Variants in CFAP58 observed in about 807,000 individuals in gnomAD.
CFAP58 encodes cilia and flagella associated protein 58, also known as cilia- and flagella-associated protein 58.
A neutral mutation model predicts 119.5 loss-of-function variants in CFAP58; 88 were observed. The observed-to-expected ratio is 0.74, with a 90% CI of 0.62 to 0.88. The LOEUF (loss-of-function observed/expected upper bound fraction) is 0.88, where lower values mean the gene tolerates loss of function less well. Among genes scored for constraint, CFAP58 ranks in the 40% least tolerant of loss-of-function variants. The pLI, the probability that CFAP58 is intolerant of heterozygous loss-of-function variation, is 0.00. For synonymous variants in CFAP58, 365 were observed against 366.3 expected, an observed-to-expected ratio of 1.00 and a Z score of 0.04; for missense variants, 990 against 1,021.2, an observed-to-expected ratio of 0.97 and a Z score of 0.42.
At chr10:104,358,237 TG>T in intron 1 of CFAP58, 103 bp from the exon 2 acceptor site, 1 of 1,167,862 alleles carries the variant, frequency 8.6e-7, no homozygotes, top group Non-Finnish European at 1.2e-6. Flanking sequence ...GTTTTAATTT[TG>T]CTCATATGGA....
intron 2 of CFAP58, among the ~76,000 whole-genome samples, chr10:104,360,166 C>CTG (rs1281669842): frequency 5.3e-5 from 8 of 152,180 alleles, no homozygotes; most frequent in African/African-American, 1.9e-4. Context: ...AGGTTCTTAT[C>CTG]TGTATAAAGG....
chr10:104,371,199 T>G, intron 7 of CFAP58, 145 bp downstream of exon 7: 10 of 559,590 alleles, frequency 1.8e-5, no homozygotes, highest in East Asian at 1.3e-4. Context: ...ACAGTCAATA[T>G]GGGGTGGGGT....
At chr10:104,351,716 C>T (rs12241488), upstream of CFAP58, 1 of 151,904 alleles carries the variant, frequency 6.6e-6, no homozygotes, top group African/African-American at 2.4e-5. Flanking sequence ...AACTATGAAG[C>T]TAATGGATAG....
intron 1 of CFAP58, among the ~76,000 whole-genome samples, chr10:104,357,845 G>GTATGTACATATA (rs2014573272): frequency 1.1e-5 from 1 of 91,502 alleles, no homozygotes; most frequent in Non-Finnish European, 2.1e-5. Flanking sequence ...GTACACATAT[G>GTATGTACATATA]TACACATATA....
At position 104,454,574 on chromosome 10, in the gene CFAP58, T is replaced by C. The variant is rs1424881693; in HGVS notation, c.*44T>C. On this transcript the variant is annotated 3_prime_UTR_variant, in exon 18 of 18. Transcript: ENST00000369704. ...TTCCAGTTGAACAACTCATGAAATC[T>C]GCTCTGGGACATTTTGGGGGAATCT... 1 of 1,409,990 alleles carries C rather than the reference T, an allele frequency of 7.1e-7. No individual in the cohort carries two copies. The allele number at this position is 1,409,990 out of a possible 1,614,324, so 87.3% of individuals were successfully genotyped here.
chr10:104,444,449 T>G (rs2013082717), intron 15 of CFAP58, among the ~76,000 whole-genome samples: 1 of 152,210 alleles, frequency 6.6e-6, no homozygotes, highest in Non-Finnish European at 1.5e-5. Context: ...CTCTTTATAA[T>G]AGAATTGCAC....
At position 104,364,732 on chromosome 10, in the gene CFAP58, G is replaced by GCATCC; in HGVS notation, c.441_445dup (p.Arg149ProfsTer6). On this transcript the variant is annotated frameshift_variant and splice_region_variant. Coordinates refer to ENST00000369704, the MANE Select transcript of CFAP58 (RefSeq NM_001008723.2). LOFTEE classifies it high-confidence loss of function. Reference sequence around the variant, plus strand: ...CTGACTCCTGTGTTCTTCCTTTTTAGCATCCGAGATTTACTGAGGTTCAAA... The same window carrying GCATCC: ...CTGACTCCTGTGTTCTTCCTTTTTAGCATCCCATCCGAGATTTACTGAGGTTCAAA... 1 of 1,612,550 alleles carries GCATCC rather than the reference G, an allele frequency of 6.2e-7. No homozygotes were observed.
At chr10:104,368,061 G>A (rs1474925474) in intron 5 of CFAP58, among the ~76,000 whole-genome samples, 9 of 152,250 alleles carry the variant, frequency 5.9e-5, no homozygotes, top group East Asian at 1.9e-4. Flanking sequence ...TATAAAATCC[G>A]TTTGAATCTC....
At chr10:104,444,763 G>GC (rs1477251350) in intron 15 of CFAP58, among the ~76,000 whole-genome samples, 1 of 152,084 alleles carries the variant, frequency 6.6e-6, no homozygotes, top group Non-Finnish European at 1.5e-5. Flanking sequence ...TCCAACAACT[G>GC]CCCCCATTCC....
chr10:104,441,211 C>T (rs1564905835), intron 15 of CFAP58, among the ~76,000 whole-genome samples: 1 of 152,204 alleles, frequency 6.6e-6, no homozygotes, highest in Non-Finnish European at 1.5e-5. Flanking sequence ...CCATGTTGGC[C>T]AGGCTGGTCT....
At chr10:104,428,008 T>A (rs10786793) in intron 15 of CFAP58, among the ~76,000 whole-genome samples, 48,808 of 152,098 alleles carry the variant, frequency 0.32, 8,400 homozygotes, top group African/African-American at 0.45. Flanking sequence ...CAAACACACG[T>A]AAGCACATGG....
At chr10:104,433,344 T>TC (rs1201985349) in intron 15 of CFAP58, among the ~76,000 whole-genome samples, 2 of 152,200 alleles carry the variant, frequency 1.3e-5, no homozygotes, top group Non-Finnish European at 2.9e-5. Context: ...CACCTTAGCC[T>TC]CCCAGAGCAC....
chr10:104,448,110 A>C (rs2013139178), intron 16 of CFAP58, among the ~76,000 whole-genome samples: 1 of 152,244 alleles, frequency 6.6e-6, no homozygotes, highest in Admixed American at 6.5e-5. Flanking sequence ...TGGATGAATG[A>C]TCTTGAGATG....
chr10:104,356,690 CT>C (rs2014547573), intron 1 of CFAP58, among the ~76,000 whole-genome samples: 1 of 150,098 alleles, frequency 6.7e-6, no homozygotes, highest in African/African-American at 2.4e-5. Flanking sequence ...TTTTTTTATT[CT>C]TGCTGCTGGG....
In CFAP58 at chr10:104,393,478, A is replaced by G. The variant is rs1417831476; in HGVS notation, c.1674+3A>G. On this transcript the variant is annotated splice_donor_region_variant and intron_variant, in intron 11 of 17. Coordinates refer to ENST00000369704, the MANE Select transcript of CFAP58 (RefSeq NM_001008723.2). The stretch of plus-strand genomic sequence containing the variant: ...AAAAGGAAAAGGAAACATTGAAGGT[A>G]CTGACCTCATAGTAAAAGCAAAGTA... 1 of 1,610,774 alleles carries G rather than the reference A, an allele frequency of 6.2e-7. No homozygotes were observed. The highest frequency in any genetic ancestry group is 2.2e-5 in the East Asian group (1 of 44,808).
chr10:104,403,747 G>T lies in CFAP58; in HGVS notation c.2058G>T (p.Met686Ile). ...VEELRQEFFH[M>I]QRELLKERTR... ...TATTCAGACAGGAGTTTTTTCACAT[G>T]CAAAGAGAATTGTTGAAGGAGAGGA... Residue 686 changes from methionine (M) to isoleucine (I), a missense_variant, in exon 14 of 18, where the codon ATG (methionine) becomes ATT (isoleucine). Coordinates refer to ENST00000369704, the MANE Select transcript of CFAP58 (RefSeq NM_001008723.2). 1 of 1,610,428 alleles carries T rather than the reference G, an allele frequency of 6.2e-7. No homozygotes were observed.
At chr10:104,364,666 G>A in intron 3 of CFAP58, 67 bp from the exon 4 acceptor site, 1 of 1,455,906 alleles carries the variant, frequency 6.9e-7, no homozygotes, top group Non-Finnish European at 9.4e-7. Flanking sequence ...AATGAACTCA[G>A]AGAATGATAT....
intron 4 of CFAP58, among the ~76,000 whole-genome samples, chr10:104,365,414 T>C (rs2014728299): frequency 6.6e-6 from 1 of 152,196 alleles, no homozygotes; most frequent in Admixed American, 6.5e-5. Flanking sequence ...TAATGCTCTC[T>C]TTAGCAATAT....
chr10:104,448,780 T>C (rs1432843437), intron 16 of CFAP58, among the ~76,000 whole-genome samples: 3 of 152,274 alleles, frequency 2.0e-5, no homozygotes, highest in African/African-American at 7.2e-5. Flanking sequence ...TCTTGAGACA[T>C]AATTTGAATT....
Sources: gnomAD v4.1 joint callset for allele counts (sites outside exome capture counted in the v4.1 genomes callset) on GRCh38, gnomAD v4.1.1 for gene constraint, MANE v1.5 for transcripts, NCBI Gene and HGNC (gene_info 2026-07-23, HGNC 2026-07-21) for gene names.